Variants in RGS19 observed in about 807,000 individuals in gnomAD.
The protein encoded by RGS19 is regulator of G protein signaling 19.
Under a neutral mutation model 22.0 loss-of-function variants are expected in RGS19, and 9 were observed. That is an observed-to-expected ratio of 0.41 (90% CI 0.25 to 0.71). The LOEUF (loss-of-function observed/expected upper bound fraction) is 0.71, where lower values mean the gene tolerates loss of function less well. Among genes scored for constraint, RGS19 ranks in the 30% least tolerant of loss-of-function variants. The pLI, the probability that RGS19 is intolerant of heterozygous loss-of-function variation, is 0.32. For synonymous variants in RGS19, 130 were observed against 127.3 expected (o/e 1.02, Z -0.14); for missense variants, 256 against 307.1 (o/e 0.83, Z 1.24).
chr20:64,078,518 G>A (rs1341988968), intron 1 of RGS19, among the ~76,000 whole-genome samples: 1 of 152,176 alleles, frequency 6.6e-6, no homozygotes, highest in Non-Finnish European at 1.5e-5. Context: ...CCCTGAGACT[G>A]TCCCCCTGGG....
At chr20:64,078,072 C>A (rs1331708579) in intron 1 of RGS19, among the ~76,000 whole-genome samples, 1 of 152,220 alleles carries the variant, frequency 6.6e-6, no homozygotes, top group African/African-American at 2.4e-5. Flanking sequence ...TAGCTCGTGG[C>A]CTTTGAATGC....
chr20:64,073,936 C>G lies in RGS19; in HGVS notation c.571G>C (p.Asp191His). The G allele has an allele frequency of 6.2e-7, 1 of 1,613,768 alleles. No homozygotes were observed. Among genetic ancestry groups the G allele is most frequent in the Non-Finnish European group, 8.5e-7 (1 of 1,179,864 alleles). Residue 191 changes from aspartate (D) to histidine (H), a missense_variant, in exon 6 of 6, where the codon GAC becomes CAC. Physicochemically the swap from Asp to His is moderately conservative, Grantham distance 81. Transcript: ENST00000395042. ...GAGCTGAGGAAGCGGGGGTAGGAGT[C>G]CCGGTGCATGAGCGTGTAGATCTGC... ...QLQIYTLMHRDSYPRFLSSPT... is the reference protein window; with the variant it reads ...QLQIYTLMHRHSYPRFLSSPT...
Position 64,073,405 on chromosome 20 carries a change from A to G in RGS19, c.*448T>C, listed in dbSNP as rs2059870834. On this transcript the variant is annotated 3_prime_UTR_variant, in exon 6 of 6. Coordinates refer to ENST00000395042, the MANE Select transcript of RGS19 (RefSeq NM_005873.3). ...TTCTGTGTTTGATTCTGGGGTACAGACAGCTCAAGTAGGAGGTCTCCTTAT... is the reference window on the plus strand; with the variant it reads ...TTCTGTGTTTGATTCTGGGGTACAGGCAGCTCAAGTAGGAGGTCTCCTTAT... 6.4e-6 allele frequency: 1 copy of G among 157,446 alleles called. No individual in the cohort carries two copies. Among genetic ancestry groups the G allele is most frequent in the African/African-American group, 2.4e-5 (1 of 41,576 alleles). 9.8% of individuals were successfully genotyped at this position (157,446 alleles called of 1,614,324 possible). A position where few individuals can be genotyped will look rare whatever the true frequency, so the allele number is the denominator to read the frequency against.
chr20:64,075,057 G>A lies in RGS19; in HGVS notation c.153-516C>T, dbSNP rs2059894343. Among the ~76,000 whole-genome samples, 1 of 152,188 alleles carries A rather than the reference G, an allele frequency of 6.6e-6. No individual in the cohort carries two copies. The highest frequency in any genetic ancestry group is 1.5e-5 in the Non-Finnish European group (1 of 68,020). On this transcript the variant is annotated intron_variant, in intron 3 of 5. Transcript: ENST00000395042. This position sits in a 1 kb window ranked among gnomAD's most constrained non-coding sequence, Gnocchi z 4.6. The stretch of plus-strand genomic sequence containing the variant: ...GGAGCTGGGAGATCCCTGAACACCT[G>A]GGAGGCCAGAAGGGTCATGTGCCTG...
chr20:64,077,679 G>A (rs1402172149), intron 1 of RGS19, among the ~76,000 whole-genome samples: 1 of 152,220 alleles, frequency 6.6e-6, no homozygotes, highest in Non-Finnish European at 1.5e-5. Context: ...GGGAAGTGGG[G>A]GTGGCAGGGG....
At position 64,076,571 on chromosome 20, in the gene RGS19, G is replaced by T; in HGVS notation, c.106C>A (p.Arg36Ser). ...CACCAGCACAGGCAGCAGGGGTTGCGGCTGGGGGCCGCTGGAGAGGCTGTA... is the reference window on the plus strand; with the variant it reads ...CACCAGCACAGGCAGCAGGGGTTGCTGCTGGGGGCCGCTGGAGAGGCTGTA... ...HDTASPAAPS[R>S]NPCCLCWCCC... Residue 36 changes from arginine to serine, a missense_variant, in exon 3 of 6, where the codon CGC (arginine) becomes AGC (serine). Transcript: ENST00000395042. 6.2e-7 allele frequency: 1 copy of T among 1,612,828 alleles called. No individual in the cohort carries two copies. The highest frequency in any genetic ancestry group is 8.5e-7 in the Non-Finnish European group (1 of 1,179,848).
chr20:64,076,573 C>G lies in RGS19; in HGVS notation c.104G>C (p.Ser35Thr). Residue 35 changes from serine to threonine, a missense_variant, in exon 3 of 6, where the codon AGC becomes ACC. Transcript: ENST00000395042. The part of the protein sequence containing the change: ...SHDTASPAAP[S>T]RNPCCLCWCC... ...CCAGCACAGGCAGCAGGGGTTGCGG[C>G]TGGGGGCCGCTGGAGAGGCTGTATC... The G allele has an allele frequency of 1.2e-6, 2 of 1,612,664 alleles. No individual in the cohort carries two copies. The highest frequency in any genetic ancestry group is 1.7e-6 in the Non-Finnish European group (2 of 1,179,798).
intron 1 of RGS19, among the ~76,000 whole-genome samples, chr20:64,078,856 A>G (rs1317885885): frequency 6.6e-6 from 1 of 152,166 alleles, no homozygotes; most frequent in African/African-American, 2.4e-5. Flanking sequence ...GGGATGGGAT[A>G]GGCTGGATAG....
chr20:64,079,944 G>A (rs2059947598), upstream of RGS19: 1 of 147,896 alleles, frequency 6.8e-6, no homozygotes, highest in Admixed American at 6.8e-5. This position sits in a 1 kb window ranked among gnomAD's most constrained non-coding sequence, Gnocchi z 5.1. Flanking sequence ...CAGTCGGGGA[G>A]GGGGCGCGGG....
chr20:64,078,407 G>A (rs1409139643), intron 1 of RGS19, among the ~76,000 whole-genome samples: 2 of 152,176 alleles, frequency 1.3e-5, no homozygotes, highest in African/African-American at 2.4e-5. Flanking sequence ...GCAACCTGAG[G>A]TTTGGTAGCT....
In RGS19 at chr20:64,073,744, G is replaced by T; in HGVS notation, c.*109C>A. 2.0e-6 allele frequency: 2 copies of T among 997,154 alleles called. No homozygotes were observed. Among genetic ancestry groups the T allele is most frequent in the Non-Finnish European group, 2.9e-6 (2 of 685,772 alleles). The allele number at this position is 997,154 out of a possible 1,614,324, so 61.8% of individuals were successfully genotyped here. On this transcript the variant is annotated 3_prime_UTR_variant, in exon 6 of 6. Transcript: ENST00000395042. ...GTCTAGGACCGTCTCCGCGGGTGGGGACCCCAGCCGGCCAGGCATGTGCCC... is the reference window on the plus strand; with the variant it reads ...GTCTAGGACCGTCTCCGCGGGTGGGTACCCCAGCCGGCCAGGCATGTGCCC...
rs1276121424 is a variant in RGS19 at position 64,079,072 on chromosome 20, T to C, written c.-69+222A>G. 1.3e-5 allele frequency among the ~76,000 whole-genome samples: 2 copies of C among 152,124 alleles called. No individual in the cohort carries two copies. The highest frequency in any genetic ancestry group is 4.8e-5 in the African/African-American group (2 of 41,428). On this transcript the variant is annotated intron_variant, in intron 1 of 5. Transcript: ENST00000395042. This position sits in a 1 kb window ranked among gnomAD's most constrained non-coding sequence, Gnocchi z 5.1. The stretch of plus-strand genomic sequence containing the variant: ...AGTCCTTAGCTCCTACCCAGGGCCT[T>C]TCCCATCTGCCACCCTCCACATCTG...
intron 1 of RGS19, among the ~76,000 whole-genome samples, chr20:64,078,149 A>G (rs909068797): frequency 1.5e-4 from 4 of 25,988 alleles, no homozygotes; most frequent in Non-Finnish European, 2.9e-4. Context: ...CAGAAGAGAC[A>G]GTGCTGGAGT....
At chr20:64,076,454 T>G in intron 3 of RGS19, 71 bp downstream of exon 3, 2 of 1,592,334 alleles carry the variant, frequency 1.3e-6, no homozygotes, top group Non-Finnish European at 1.7e-6. Flanking sequence ...CACCACTGGG[T>G]CCCCTCCTGG....
At position 64,075,542 on chromosome 20, in the gene RGS19, G is replaced by A. The variant is rs1472424475; in HGVS notation, c.152+983C>T. On this transcript the variant is annotated intron_variant, in intron 3 of 5. Transcript: ENST00000395042. The surrounding 1 kb of genome is among the most constrained non-coding windows in gnomAD (Gnocchi z 4.6). ...CCCCCTGGCCACCCCCAGCTTGCCC[G>A]TGGGTCAGCTGACGCCACCTTGGAT... 1.3e-5 allele frequency among the ~76,000 whole-genome samples: 2 copies of A among 150,206 alleles called. No homozygotes were observed. Among genetic ancestry groups the A allele is most frequent in the Non-Finnish European group, 3.0e-5 (2 of 67,646 alleles).
chr20:64,074,036 C>T lies in RGS19; in HGVS notation c.471G>A (p.Leu157=). The change falls in exon 6 of 6, where the codon CTG becomes CTA. Residue 157 remains leucine, a synonymous_variant. Coordinates refer to ENST00000395042, the MANE Select transcript of RGS19 (RefSeq NM_005873.3). ...TGATGCCCTCCCGCACACGGGAGTCCAGGCTCACCTGCAGGACAAGACACT... is the reference window on the plus strand; with the variant it reads ...TGATGCCCTCCCGCACACGGGAGTCTAGGCTCACCTGCAGGACAAGACACT... ...VSILSPKEVS[L]DSRVREGINK... is the part of the protein sequence containing the mutation. The T allele has an allele frequency of 1.9e-6, 3 of 1,611,882 alleles. No individual in the cohort carries two copies. The highest frequency in any genetic ancestry group is 1.7e-6 in the Non-Finnish European group (2 of 1,178,634).
chr20:64,074,768 A>G (rs2059891913), intron 3 of RGS19, among the ~76,000 whole-genome samples: 1 of 152,190 alleles, frequency 6.6e-6, no homozygotes, highest in Non-Finnish European at 1.5e-5. Flanking sequence ...TCTGCAGTCC[A>G]GGTTACTGTC....
intron 3 of RGS19, 48 bp downstream of exon 3, chr20:64,076,477 C>T (rs376462349): frequency 6.2e-7 from 1 of 1,607,256 alleles, no homozygotes; most frequent in Non-Finnish European, 8.5e-7. Flanking sequence ...CTGCTTGGCC[C>T]CATGCCCTCG....
intron 3 of RGS19, 31 bp downstream of exon 3, chr20:64,076,491 CCCT>C: frequency 6.2e-7 from 1 of 1,611,262 alleles, no homozygotes. Flanking sequence ...GCCCTCGACC[CCCT>C]CGCCAGCTGG....
Sources: gnomAD v4.1 joint callset for allele counts (sites outside exome capture counted in the v4.1 genomes callset) on GRCh38, gnomAD v4.1.1 for gene constraint, Gnocchi (gnomAD v3.1) non-coding constraint, MANE v1.5 for transcripts, NCBI Gene and HGNC (gene_info 2026-07-23, HGNC 2026-07-21) for gene names.